The following PPP1R12B variants were observed in gnomAD, a reference collection of about 807,000 sequenced individuals.
PPP1R12B encodes the protein myosin phosphatase target subunit 2.
In PPP1R12B, 76 loss-of-function variants were observed where a neutral mutation model predicts 126.1. The ratio of observed to expected loss-of-function variants is 0.60; its 90% confidence interval spans 0.50 to 0.73. PPP1R12B has a LOEUF of 0.73. PPP1R12B is among the 30% of genes least tolerant of loss of function. The probability of loss-of-function intolerance (pLI) is 0.00; values close to 1 mark genes in which losing one functional copy is unlikely to be tolerated. For synonymous variants in PPP1R12B, 356 were observed against 434.7 expected (o/e 0.82, Z 2.25); for missense variants, 1,052 against 1,205.1 (o/e 0.87, Z 1.88).
chr1:202,496,862 A>G (rs533337780), intron 18 of PPP1R12B, 40 bp downstream of exon 18: 1 of 1,568,278 alleles, frequency 6.4e-7, no homozygotes, highest in South Asian at 1.1e-5. Flanking sequence ...TTGAGAGCAC[A>G]GTCTTGCTCT....
At chr1:202,395,822 C>T (rs1318021606) in intron 1 of PPP1R12B, among the ~76,000 whole-genome samples, 7 of 152,194 alleles carry the variant, frequency 4.6e-5, no homozygotes, top group Admixed American at 3.3e-4. Flanking sequence ...TATCTGGCAA[C>T]GTCCTAACTG....
intron 18 of PPP1R12B, among the ~76,000 whole-genome samples, chr1:202,500,290 A>G (rs1213969368): frequency 6.6e-6 from 1 of 151,748 alleles, no homozygotes; most frequent in Non-Finnish European, 1.5e-5. Context: ...CTGCACCCCT[A>G]TGTTTATTGC....
intron 1 of PPP1R12B, among the ~76,000 whole-genome samples, chr1:202,416,304 A>T (rs533856263): frequency 1.3e-5 from 2 of 152,264 alleles, no homozygotes; most frequent in South Asian, 4.1e-4. Flanking sequence ...AGGTGGGTGG[A>T]TGACCTGAGG....
chr1:202,517,230 G>A (rs951268509), intron 18 of PPP1R12B, among the ~76,000 whole-genome samples: 1 of 152,098 alleles, frequency 6.6e-6, no homozygotes, highest in African/African-American at 2.4e-5. Context: ...TTTCCTGCCA[G>A]CTCTCCCCTC....
At chr1:202,554,984 C>T (rs1686734335) in intron 18 of PPP1R12B, among the ~76,000 whole-genome samples, 1 of 152,008 alleles carries the variant, frequency 6.6e-6, no homozygotes, top group Admixed American at 6.5e-5. Context: ...TAATCTAGGC[C>T]TCTCGAAAAC....
intron 1 of PPP1R12B, among the ~76,000 whole-genome samples, chr1:202,381,795 A>T (rs891356017): frequency 1.3e-5 from 2 of 152,170 alleles, no homozygotes; most frequent in Non-Finnish European, 2.9e-5. Flanking sequence ...TAACCTTCTC[A>T]TGGACTAGTG....
At position 202,437,891 on chromosome 1, in the gene PPP1R12B, T is replaced by C; in HGVS notation, c.1325T>C (p.Leu442Pro). The change falls in exon 10 of 24, where the codon CTG (leucine) becomes CCG (proline). Residue 442 changes from leucine (L) to proline (P), a missense_variant. By Grantham distance (98) the Leu-to-Pro change is moderately conservative. Coordinates refer to ENST00000608999, the MANE Select transcript of PPP1R12B (RefSeq NM_002481.4). Reference sequence around the variant, plus strand: ...TCTCCTTCTTCATGGAGATTGGGACTGAGAAAAACTGGCAGCCACAACATG... The same window carrying C: ...TCTCCTTCTTCATGGAGATTGGGACCGAGAAAAACTGGCAGCCACAACATG... ...DESPSSWRLG[L>P]RKTGSHNMLS... 6.2e-7 allele frequency: 1 copy of C among 1,613,996 alleles called. No homozygotes were observed. The highest frequency in any genetic ancestry group is 1.1e-5 in the South Asian group (1 of 91,074).
intron 1 of PPP1R12B, among the ~76,000 whole-genome samples, chr1:202,415,893 A>G (rs1487050254): frequency 1.3e-5 from 2 of 152,224 alleles, no homozygotes; most frequent in Non-Finnish European, 2.9e-5. Context: ...GTCGTAAACT[A>G]CAACTTCCCA....
chr1:202,571,413 C>G (rs1007658080), intron 23 of PPP1R12B, among the ~76,000 whole-genome samples: 1 of 151,842 alleles, frequency 6.6e-6, no homozygotes, highest in African/African-American at 2.4e-5. Context: ...AGTCCCTAAA[C>G]CAATAGGTAA....
At chr1:202,396,423 A>G (rs2148543783) in intron 1 of PPP1R12B, among the ~76,000 whole-genome samples, 1 of 152,276 alleles carries the variant, frequency 6.6e-6, no homozygotes, top group African/African-American at 2.4e-5. Context: ...GACATTCATT[A>G]TGTGGGGCAG....
chr1:202,464,498 A>AT (rs34328752), intron 13 of PPP1R12B, among the ~76,000 whole-genome samples: 1 of 151,844 alleles, frequency 6.6e-6, no homozygotes, highest in Non-Finnish European at 1.5e-5. Context: ...GGGAATGCAG[A>AT]TTTTTTTTGG....
chr1:202,503,650 A>G (rs955352433), intron 18 of PPP1R12B, among the ~76,000 whole-genome samples: 2 of 152,238 alleles, frequency 1.3e-5, no homozygotes, highest in African/African-American at 4.8e-5. Flanking sequence ...GAAGGGGAAG[A>G]ATCAGCAAAG....
intron 18 of PPP1R12B, among the ~76,000 whole-genome samples, chr1:202,524,223 G>A (rs530442705): frequency 1.0e-3 from 152 of 152,298 alleles, no homozygotes; most frequent in African/African-American, 3.4e-3. Context: ...GGGCTTGTGG[G>A]ATGTGACAGA....
At chr1:202,559,821 G>T (rs1353465880) in intron 19 of PPP1R12B, among the ~76,000 whole-genome samples, 2 of 152,106 alleles carry the variant, frequency 1.3e-5, no homozygotes, top group Non-Finnish European at 2.9e-5. Flanking sequence ...ACTTAGTTTT[G>T]CAAAATTGTT....
Position 202,577,035 on chromosome 1 carries a change from A to G in PPP1R12B, c.2863-3439A>G, listed in dbSNP as rs1013676595. The G allele has an allele frequency of 2.0e-5, 3 of 152,338 alleles. No individual in the cohort carries two copies. In the East Asian group the frequency reaches 5.8e-4, roughly 29 times the overall value. 9.4% of individuals were successfully genotyped at this position (152,338 alleles called of 1,614,324 possible). A position where few individuals can be genotyped will look rare whatever the true frequency, so the allele number is the denominator to read the frequency against. ...TGCAAGAAGGATCTATTGAGCAACT[A>G]CACTGTGCCCCCAGCATTGCAGCTG... On this transcript the variant is annotated intron_variant, in intron 23 of 23. Coordinates refer to ENST00000608999, the MANE Select transcript of PPP1R12B (RefSeq NM_002481.4).
intron 10 of PPP1R12B, chr1:202,438,304 G>A: frequency 6.7e-7 from 1 of 1,493,416 alleles, no homozygotes; most frequent in Non-Finnish European, 9.1e-7. Flanking sequence ...AAATGGATCA[G>A]CAACATAAAA....
At position 202,449,561 on chromosome 1, in the gene PPP1R12B, C is replaced by T. The variant is rs2148718075; in HGVS notation, c.1850+390C>T. Among the ~76,000 whole-genome samples, 2 of 152,148 alleles carry T rather than the reference C, an allele frequency of 1.3e-5. 1 individual carries two copies. The highest frequency in any genetic ancestry group is 4.2e-4 in the South Asian group (2 of 4,814). On this transcript the variant is annotated intron_variant, in intron 13 of 23. Transcript: ENST00000608999. ...AAAGTGCTGGGATTACAGGCCTGAG[C>T]CACTGCGCCCAGCCTGAAAATATAT...
intron 1 of PPP1R12B, among the ~76,000 whole-genome samples, chr1:202,396,877 C>T (rs1665063159): frequency 6.6e-6 from 1 of 152,174 alleles, no homozygotes; most frequent in Non-Finnish European, 1.5e-5. Context: ...TTCTCTTTTC[C>T]TTCCCTCCTA....
chr1:202,555,325 G>GAAAAAAAAAAAAAAAAAAAAAAAAAA (rs56752885), intron 18 of PPP1R12B, among the ~76,000 whole-genome samples: 1 of 25,340 alleles, frequency 3.9e-5, no homozygotes, highest in Non-Finnish European at 6.5e-5. Flanking sequence ...CTGTTTTAAT[G>GAAAAAAAAAAAAAAAAAAAAAAAAAA]AAAAAAAAAA....
Sources: allele counts gnomAD v4.1 joint callset (sites outside exome capture counted in the v4.1 genomes callset), GRCh38; gene constraint gnomAD v4.1.1; transcripts MANE v1.5; gene names NCBI Gene and HGNC (gene_info 2026-07-23, HGNC 2026-07-21).